Variants in DENND1A observed in about 807,000 individuals in gnomAD.
DENND1A encodes the protein DENN domain containing 1A, also known as DENN domain-containing protein 1A.
DENND1A carries 51 observed loss-of-function variants against 113.7 expected under a neutral mutation model. The ratio of observed to expected loss-of-function variants is 0.45; its 90% CI spans 0.36 to 0.57. The LOEUF is 0.57. DENND1A is among the 20% of genes least tolerant of loss of function. DENND1A has a pLI of 0.00. For synonymous variants in DENND1A, 565 were observed against 570.8 expected (o/e 0.99, Z 0.14); for missense variants, 1,258 against 1,395.9 (o/e 0.90, Z 1.57).
At position 123,716,064 on chromosome 9, in the gene DENND1A, G is replaced by T. The variant is rs530163945; in HGVS notation, c.303-39275C>A. Among the ~76,000 whole-genome samples, 3 of 152,268 alleles carry T rather than the reference G, an allele frequency of 2.0e-5. No individual in the cohort carries two copies. In the South Asian group the frequency reaches 6.2e-4, roughly 32 times the overall value. ...CACTCCAGGGAGCAGCCTCTTTTAG[G>T]ATACATGTGATCTTGGCTACTACCA... On this transcript the variant is annotated intron_variant, in intron 5 of 23. Coordinates refer to ENST00000394215, the MANE Select transcript of DENND1A (RefSeq NM_001352964.2).
intron 2 of DENND1A, among the ~76,000 whole-genome samples, chr9:123,804,063 C>T (rs1448178485): frequency 4.6e-5 from 7 of 152,222 alleles, no homozygotes; most frequent in African/African-American, 1.2e-4. Flanking sequence ...TTGTAACTCC[C>T]GCAATTCCCA....
At chr9:123,815,993 CTTTTTT>C (rs1170659580) in intron 2 of DENND1A, among the ~76,000 whole-genome samples, 7,335 of 79,664 alleles carry the variant, frequency 0.092, 323 homozygotes, top group African/African-American at 0.25. Context: ...AGTGACTGTA[CTTTTTT>C]TTTTTTTTTT....
intron 5 of DENND1A, among the ~76,000 whole-genome samples, chr9:123,735,487 C>T (rs1301341858): frequency 6.6e-6 from 1 of 152,338 alleles, no homozygotes; most frequent in African/African-American, 2.4e-5. Flanking sequence ...CTTCCCGATG[C>T]TCCCATGATC....
intron 9 of DENND1A, among the ~76,000 whole-genome samples, chr9:123,636,962 T>C (rs915926870): frequency 6.6e-6 from 1 of 152,228 alleles, no homozygotes; most frequent in Non-Finnish European, 1.5e-5. Context: ...AGTGCCTGGA[T>C]TATAGGCGTG....
At chr9:123,818,561 CACACACAT>C (rs752400936) in intron 2 of DENND1A, among the ~76,000 whole-genome samples, 46,936 of 114,504 alleles carry the variant, frequency 0.41, 8,487 homozygotes, top group Non-Finnish European at 0.52. Flanking sequence ...CACACACACA[CACACACAT>C]ATATATATAT....
At chr9:123,704,197 A>G (rs1437849688) in intron 5 of DENND1A, among the ~76,000 whole-genome samples, 1 of 152,152 alleles carries the variant, frequency 6.6e-6, no homozygotes, top group African/African-American at 2.4e-5. Flanking sequence ...CAATAAAGCT[A>G]GTTTTTACCC....
At chr9:123,432,368 G>A (rs1400847728) in intron 19 of DENND1A, among the ~76,000 whole-genome samples, 1 of 152,200 alleles carries the variant, frequency 6.6e-6, no homozygotes, top group Non-Finnish European at 1.5e-5. Flanking sequence ...CCTCATCAGG[G>A]AGACCTGAGA....
intron 19 of DENND1A, chr9:123,437,919 T>C (rs2046645360): frequency 6.6e-6 from 1 of 152,192 alleles, no homozygotes; most frequent in South Asian, 2.1e-4. Context: ...TAAAATTGTT[T>C]TATATGTTAG....
chr9:123,885,384 C>A (rs1588085289), intron 1 of DENND1A, among the ~76,000 whole-genome samples: 1 of 152,200 alleles, frequency 6.6e-6, no homozygotes, highest in South Asian at 2.1e-4. Flanking sequence ...CTTCTCATAA[C>A]CCTAGTCTGA....
At chr9:123,828,580 C>A (rs1186098582) in intron 2 of DENND1A, among the ~76,000 whole-genome samples, 2 of 149,698 alleles carry the variant, frequency 1.3e-5, no homozygotes, top group Non-Finnish European at 3.0e-5. Context: ...TTAACACCTA[C>A]ACTAATCATA....
At chr9:123,480,844 T>C (rs1008953614) in intron 13 of DENND1A, among the ~76,000 whole-genome samples, 3 of 152,060 alleles carry the variant, frequency 2.0e-5, no homozygotes, top group Non-Finnish European at 2.9e-5. Context: ...TGGGAGTGAG[T>C]CCCATGAAAT....
intron 5 of DENND1A, among the ~76,000 whole-genome samples, chr9:123,745,335 A>C (rs1402397360): frequency 1.3e-5 from 2 of 152,206 alleles, no homozygotes; most frequent in African/African-American, 4.8e-5. Context: ...AGACCAGATT[A>C]ATGTTTGGAG....
intron 13 of DENND1A, among the ~76,000 whole-genome samples, chr9:123,520,161 A>C (rs1225458154): frequency 6.7e-6 from 1 of 150,334 alleles, no homozygotes; most frequent in Non-Finnish European, 1.5e-5. Flanking sequence ...AAAAAAAAAA[A>C]AAAAAAAAAA....
chr9:123,569,823 A>G (rs1340659062), intron 12 of DENND1A, among the ~76,000 whole-genome samples: 1 of 152,168 alleles, frequency 6.6e-6, no homozygotes, highest in Non-Finnish European at 1.5e-5. Flanking sequence ...CAACCAGCAA[A>G]GCAGCAAGAG....
intron 1 of DENND1A, among the ~76,000 whole-genome samples, chr9:123,920,375 A>G (rs1262488711): frequency 1.3e-5 from 2 of 151,876 alleles, no homozygotes; most frequent in Admixed American, 6.6e-5. Context: ...ATTGCAGTGA[A>G]CCAAGATCGT....
At chr9:123,748,902 G>A (rs888222332) in intron 5 of DENND1A, among the ~76,000 whole-genome samples, 1 of 152,126 alleles carries the variant, frequency 6.6e-6, no homozygotes, top group African/African-American at 2.4e-5. Flanking sequence ...TATTTCACTG[G>A]TTTTCCATTC....
chr9:123,852,953 C>T (rs1030214977), intron 2 of DENND1A, among the ~76,000 whole-genome samples: 4 of 150,972 alleles, frequency 2.6e-5, no homozygotes, highest in Admixed American at 6.6e-5. Context: ...GAATCCTGCT[C>T]TGTCACCCAG....
intron 13 of DENND1A, among the ~76,000 whole-genome samples, chr9:123,525,081 C>T (rs933038224): frequency 2.0e-5 from 3 of 152,202 alleles, no homozygotes; most frequent in African/African-American, 7.2e-5. Flanking sequence ...AGTCACTCTA[C>T]TTGATAGATA....
chr9:123,724,766 A>G (rs1238701044), intron 5 of DENND1A, among the ~76,000 whole-genome samples: 1 of 152,228 alleles, frequency 6.6e-6, no homozygotes, highest in Non-Finnish European at 1.5e-5. Context: ...AGATATTCTG[A>G]AAATAAAGAC....
Sources: allele counts gnomAD v4.1 joint callset (sites outside exome capture counted in the v4.1 genomes callset), GRCh38; gene constraint gnomAD v4.1.1; transcripts MANE v1.5; gene names NCBI Gene and HGNC (gene_info 2026-07-23, HGNC 2026-07-21).